The following AXIN2 variants were observed in gnomAD, a reference collection of about 807,000 sequenced individuals.
The protein encoded by AXIN2 is axin 2.
AXIN2 carries 21 observed loss-of-function variants against 74.7 expected under a neutral mutation model. That is an observed-to-expected ratio of 0.28 (90% CI 0.20 to 0.40). The LOEUF (loss-of-function observed/expected upper bound fraction) is 0.40, where lower values mean the gene tolerates loss of function less well. AXIN2 is among the 10% of genes least tolerant of loss of function. The probability of loss-of-function intolerance (pLI) is 1.00; values close to 1 mark genes in which losing one functional copy is unlikely to be tolerated. For missense variants in AXIN2, 1,144 were observed against 1,111.1 expected (o/e 1.03, Z -0.42); for synonymous variants, 532 against 454.9 (o/e 1.17, Z -2.16).
At chr17:65,560,977 G>C (rs1011329937) in intron 1 of AXIN2, 1 of 148,830 alleles carries the variant, frequency 6.7e-6, no homozygotes, top group Admixed American at 6.7e-5. Flanking sequence ...CGGCGGGGGA[G>C]GGGGTGCGGG....
At chr17:65,538,882 C>G (rs536353700) in intron 4 of AXIN2, among the ~76,000 whole-genome samples, 6 of 152,116 alleles carry the variant, frequency 3.9e-5, no homozygotes, top group South Asian at 4.2e-4. Context: ...AATTTATTTC[C>G]TGGCCGCACA....
At chr17:65,537,152 C>T in intron 6 of AXIN2, 89 bp from the exon 7 acceptor site, 1 of 1,556,870 alleles carries the variant, frequency 6.4e-7, no homozygotes, top group Non-Finnish European at 8.7e-7. Context: ...AGTCGGGGGG[C>T]TGGTGACACG....
rs2044041052 is a variant in AXIN2 at position 65,541,436 on chromosome 17, C to CA, written c.1059+18dup. ...ACATGGCAGAAAACAGCTGTCTCCT[C>CA]ACTCCAGACTGTACTCACCGGGAAA... is the stretch of plus-strand genomic sequence containing the variant. On this transcript the variant is annotated intron_variant, in intron 4 of 10. Coordinates refer to ENST00000307078, the MANE Select transcript of AXIN2 (RefSeq NM_004655.4). The CA allele has an allele frequency of 1.3e-6, 2 of 1,599,790 alleles. No homozygotes were observed. The highest frequency in any genetic ancestry group is 3.3e-4 in the Middle Eastern group (2 of 6,038).
At position 65,558,003 on chromosome 17, in the gene AXIN2, G is replaced by A; in HGVS notation, c.618C>T (p.Asn206=). The A allele has an allele frequency of 6.2e-7, 1 of 1,614,118 alleles. No homozygotes were observed. The highest frequency in any genetic ancestry group is 8.5e-7 in the Non-Finnish European group (1 of 1,180,036). The change falls in exon 2 of 11, where the codon AAC becomes AAT. Residue 206 remains asparagine (N), a synonymous_variant. Coordinates refer to ENST00000307078, the MANE Select transcript of AXIN2 (RefSeq NM_004655.4). The part of the protein sequence containing the change: ...YLEYVRSGGE[N]TAYMSNGGLG... ...GTCCCCCATTACTCATGTAAGCTGT[G>A]TTTTCTCCCCCACTCCTCACATATT...
intron 2 of AXIN2, among the ~76,000 whole-genome samples, chr17:65,555,162 C>T (rs2044249243): frequency 6.6e-6 from 1 of 152,196 alleles, no homozygotes; most frequent in Admixed American, 6.5e-5. Flanking sequence ...GAGGTAAACA[C>T]AGGGCTTGCA....
chr17:65,536,847 G>A (rs765670016), intron 7 of AXIN2, 22 bp downstream of exon 7: 4 of 1,612,192 alleles, frequency 2.5e-6, no homozygotes, highest in South Asian at 1.1e-5. Context: ...TCGCGGCCGC[G>A]GCGGCGGCAA....
Position 65,535,594 on chromosome 17 carries a change from A to G in AXIN2, c.2237+32T>C, listed in dbSNP as rs775868364. The G allele has an allele frequency of 1.9e-6, 3 of 1,586,734 alleles. No homozygotes were observed. In the Admixed American group the frequency reaches 5.0e-5, roughly 26 times the overall value. On this transcript the variant is annotated intron_variant, in intron 9 of 10. Transcript: ENST00000307078. Reference sequence around the variant, plus strand: ...TATTCTGAAACATAAAGCACTCGGCAGATCTCAGTAATGTCAGGTAAAGAC... The same window carrying G: ...TATTCTGAAACATAAAGCACTCGGCGGATCTCAGTAATGTCAGGTAAAGAC...
At position 65,558,612 on chromosome 17, in the gene AXIN2, G is replaced by C. The variant is rs553412612; in HGVS notation, c.9C>G (p.Ser3Arg). The change falls in exon 2 of 11, where the codon AGC becomes AGG. Residue 3 changes from serine to arginine, a missense_variant. Ser to Arg is a moderately radical substitution (Grantham distance 110, BLOSUM62 -1). This residue lies in a region of AXIN2 where 23 missense variants were observed against 20.8 expected (regional missense o/e 1.11). Transcript: ENST00000307078. MS[S>R]AMLVTCLPDP... The stretch of plus-strand genomic sequence containing the variant: ...CCGGGAGGCAAGTCACCAACATAGC[G>C]CTACTCATGGTGAGGGAGCTCTTCC... 3 of 1,606,582 alleles carry C rather than the reference G, an allele frequency of 1.9e-6. No homozygotes were observed. Among genetic ancestry groups the C allele is most frequent in the Admixed American group, 3.3e-5 (2 of 60,026 alleles).
At chr17:65,548,269 T>C (rs2044144079) in intron 3 of AXIN2, among the ~76,000 whole-genome samples, 1 of 152,162 alleles carries the variant, frequency 6.6e-6, no homozygotes, top group Non-Finnish European at 1.5e-5. Flanking sequence ...GGTAACACAA[T>C]AAAAGCCACC....
In AXIN2 at chr17:65,536,498, C is replaced by T. The variant is rs767111161; in HGVS notation, c.1963G>A (p.Glu655Lys). The change falls in exon 8 of 11, where the codon GAA (glutamate) becomes AAA (lysine). Residue 655 changes from glutamate (E) to lysine (K), a missense_variant. Coordinates refer to ENST00000307078, the MANE Select transcript of AXIN2 (RefSeq NM_004655.4). ...PLESARSSPG[E>K]RASRHHLWGG... ...CACAGATGGTGCCGGCTGGCTCGTT[C>T]GCCTGGAGACGAGCGGGCAGACTCC... 5.6e-6 allele frequency: 9 copies of T among 1,613,810 alleles called. No homozygotes were observed. Among genetic ancestry groups the T allele is most frequent in the Non-Finnish European group, 6.8e-6 (8 of 1,180,016 alleles).
chr17:65,556,703 C>G (rs2144576769), intron 2 of AXIN2, among the ~76,000 whole-genome samples: 1 of 152,246 alleles, frequency 6.6e-6, no homozygotes, highest in South Asian at 2.1e-4. Context: ...CCATCTGGTG[C>G]CCACCTCTCT....
Position 65,537,565 on chromosome 17 carries a change from C to T in AXIN2, c.1471G>A (p.Ala491Thr), listed in dbSNP as rs761303245. ...AGGGGGCAGGCGCCCGGCGAGGCGG[C>T]CGCGGGAGGCAGCTTGCCACCGGGC... is the stretch of plus-strand genomic sequence containing the variant. ...LPPGGKLPPA[A>T]ASPGACPLLG... Residue 491 changes from alanine (A) to threonine (T), a missense_variant, in exon 6 of 11, where the codon GCC becomes ACC. By Grantham distance (58) the Ala-to-Thr change is moderately conservative. This residue lies in a region of AXIN2 where 1,053 missense variants were observed against 973.5 expected (regional missense o/e 1.08). Coordinates refer to ENST00000307078, the MANE Select transcript of AXIN2 (RefSeq NM_004655.4). 1 of 1,610,762 alleles carries T rather than the reference C, an allele frequency of 6.2e-7. No homozygotes were observed. The highest frequency in any genetic ancestry group is 2.2e-5 in the East Asian group (1 of 44,694).
At chr17:65,543,013 C>G (rs937158380) in intron 3 of AXIN2, among the ~76,000 whole-genome samples, 2 of 152,186 alleles carry the variant, frequency 1.3e-5, no homozygotes, top group South Asian at 2.1e-4. Flanking sequence ...GTCTACTGAC[C>G]TAGGTCAGAA....
chr17:65,542,315 G>A (rs1386495238), intron 3 of AXIN2, among the ~76,000 whole-genome samples: 3 of 152,174 alleles, frequency 2.0e-5, no homozygotes, highest in Non-Finnish European at 4.4e-5. Flanking sequence ...CTAGGCACTA[G>A]GCAAGAGAGC....
At chr17:65,538,131 A>G (rs1555578368) in intron 5 of AXIN2, 72 bp downstream of exon 5, 1 of 1,606,408 alleles carries the variant, frequency 6.2e-7, no homozygotes, top group Admixed American at 1.7e-5. Context: ...AACGCACCCC[A>G]TGCACATGCG....
intron 3 of AXIN2, among the ~76,000 whole-genome samples, chr17:65,545,967 G>A (rs866823042): frequency 1.4e-4 from 21 of 152,152 alleles, no homozygotes; most frequent in African/African-American, 4.6e-4. Flanking sequence ...CAAATGAGAC[G>A]ATTGCTTTCC....
rs140163819 is a variant in AXIN2, at chr17:65,536,889, C to T, written c.1887G>A (p.Gln629=). 87 of 1,613,468 alleles carry T rather than the reference C, an allele frequency of 5.4e-5. No homozygotes were observed. The East Asian group carries it at 1.9e-3, about 36-fold the overall frequency. Residue 629 remains glutamine (Q), a synonymous_variant, in exon 7 of 11, where the codon CAG becomes CAA. Transcript: ENST00000307078. ...TTTACCTATGGGGCTTGGGCTTGCTCTGCCGCTCACTCTCCAGCATCCACT... is the reference window on the plus strand; with the variant it reads ...TTTACCTATGGGGCTTGGGCTTGCTTTGCCGCTCACTCTCCAGCATCCACT... The part of the protein sequence containing the change: ...VWQWMLESER[Q]SKPKPHSAQS...
Position 65,538,320 on chromosome 17 carries a change from C to T in AXIN2, c.1083G>A (p.Glu361=), listed in dbSNP as rs1060504494. 5.0e-6 allele frequency: 8 copies of T among 1,614,056 alleles called. No individual in the cohort carries two copies. Among genetic ancestry groups the T allele is most frequent in the Admixed American group, 3.3e-5 (2 of 60,000 alleles). ...HFPRTHRLPK[E]MTPVEPATFA... Reference sequence around the variant, plus strand: ...AGGTGGCGGGTTCCACGGGGGTCATCTCCTTGGGCAGGCGGTGGGTTCTCT... The same window carrying T: ...AGGTGGCGGGTTCCACGGGGGTCATTTCCTTGGGCAGGCGGTGGGTTCTCT... The change falls in exon 5 of 11, where the codon GAG becomes GAA. Residue 361 remains glutamate (E), a synonymous_variant. Coordinates refer to ENST00000307078, the MANE Select transcript of AXIN2 (RefSeq NM_004655.4).
chr17:65,545,587 C>T (rs998338039), intron 3 of AXIN2, among the ~76,000 whole-genome samples: 9 of 151,994 alleles, frequency 5.9e-5, no homozygotes, highest in East Asian at 1.9e-4. Flanking sequence ...ACCCAGGAGG[C>T]GGAGGTTCCA....
Sources: allele counts gnomAD v4.1 joint callset (sites outside exome capture counted in the v4.1 genomes callset), GRCh38; gene constraint gnomAD v4.1.1; regional missense constraint gnomAD v4.1.1; transcripts MANE v1.5; gene names NCBI Gene and HGNC (gene_info 2026-07-23, HGNC 2026-07-21).